The following STK4 variants were observed in gnomAD, a reference collection of about 807,000 sequenced individuals.
The protein encoded by STK4 is serine/threonine kinase 4.
In STK4, 30 loss-of-function variants were observed where a neutral mutation model predicts 64.9. That is an observed-to-expected ratio of 0.46 (90% CI 0.35 to 0.63). The LOEUF (loss-of-function observed/expected upper bound fraction) is 0.63. STK4 is among the 20% of genes least tolerant of loss of function. STK4 has a pLI of 0.01. For missense variants in STK4, 466 were observed against 598.5 expected (o/e 0.78, Z 2.31); for synonymous variants, 177 against 199.0 (o/e 0.89, Z 0.93).
At chr20:45,068,854 T>C (rs564528768) in intron 10 of STK4, among the ~76,000 whole-genome samples, 1 of 152,366 alleles carries the variant, frequency 6.6e-6, no homozygotes, top group African/African-American at 2.4e-5. Context: ...GTAATTAACA[T>C]ACTTCTTCCA....
chr20:44,995,301 T>C (rs781629079), intron 6 of STK4, 44 bp downstream of exon 6: 5 of 1,569,442 alleles, frequency 3.2e-6, no homozygotes, highest in Non-Finnish European at 4.3e-6. Context: ...TAGTTACTGA[T>C]CATCATTAAA....
At chr20:45,032,268 C>CT (rs11431523) in intron 10 of STK4, among the ~76,000 whole-genome samples, 38,266 of 151,782 alleles carry the variant, frequency 0.25, 5,554 homozygotes, top group Middle Eastern at 0.43. Context: ...CTATTTTATT[C>CT]TTTTTTTTAC....
At chr20:45,061,401 A>C (rs1166553772) in intron 10 of STK4, among the ~76,000 whole-genome samples, 2 of 152,190 alleles carry the variant, frequency 1.3e-5, no homozygotes, top group African/African-American at 4.8e-5. Flanking sequence ...ATTATGCGTC[A>C]TCCTGAGTAG....
At chr20:45,018,855 A>G (rs1271533560) in intron 9 of STK4, among the ~76,000 whole-genome samples, 2 of 151,614 alleles carry the variant, frequency 1.3e-5, no homozygotes, top group Non-Finnish European at 2.9e-5. Context: ...AGCCTCCTGA[A>G]TAGTTGGGAC....
intron 10 of STK4, among the ~76,000 whole-genome samples, chr20:45,056,186 T>C (rs932666616): frequency 6.6e-6 from 1 of 152,208 alleles, no homozygotes; most frequent in Non-Finnish European, 1.5e-5. Flanking sequence ...TCCTTTTAAG[T>C]GTACAGTTGG....
intron 10 of STK4, among the ~76,000 whole-genome samples, chr20:45,037,191 G>A (rs6031944): frequency 0.14 from 21,775 of 152,036 alleles, 1,760 homozygotes; most frequent in East Asian, 0.22. Context: ...ACCAATAAGT[G>A]TCATTGGAAG....
intron 9 of STK4, among the ~76,000 whole-genome samples, chr20:45,023,457 A>G (rs960635554): frequency 2.0e-5 from 3 of 152,146 alleles, no homozygotes; most frequent in African/African-American, 7.2e-5. Context: ...TCTTCTAGAT[A>G]CCTTCTCATC....
chr20:45,004,124 C>T (rs912158632), intron 9 of STK4, among the ~76,000 whole-genome samples: 6 of 151,780 alleles, frequency 4.0e-5, no homozygotes, highest in Admixed American at 6.6e-5. Context: ...GAGACGGAGT[C>T]TTGCTCTTTC....
chr20:45,010,596 G>A (rs980955156), intron 9 of STK4, among the ~76,000 whole-genome samples: 2 of 152,144 alleles, frequency 1.3e-5, no homozygotes, highest in African/African-American at 4.8e-5. Context: ...ACATACTTGT[G>A]ATTATATAAT....
chr20:45,071,420 G>A (rs892154373), intron 10 of STK4, among the ~76,000 whole-genome samples: 8 of 152,158 alleles, frequency 5.3e-5, no homozygotes, highest in South Asian at 2.1e-4. Context: ...CTTGTTTTTC[G>A]GAAAAATCCA....
chr20:45,048,099 G>T (rs989290419), intron 10 of STK4, among the ~76,000 whole-genome samples: 10 of 152,188 alleles, frequency 6.6e-5, no homozygotes, highest in Non-Finnish European at 1.0e-4. Flanking sequence ...TAAAAGCAGA[G>T]AAATGCTTAG....
intron 5 of STK4, among the ~76,000 whole-genome samples, chr20:44,988,781 G>T (rs1748048492): frequency 6.6e-6 from 1 of 151,622 alleles, no homozygotes; most frequent in East Asian, 1.9e-4. Flanking sequence ...GTACCCTTTA[G>T]CTGTTAGTCC....
chr20:45,005,036 G>C (rs2145705954), intron 9 of STK4, among the ~76,000 whole-genome samples: 1 of 151,990 alleles, frequency 6.6e-6, no homozygotes, highest in Admixed American at 6.5e-5. Context: ...CTCCCAAAGT[G>C]CTGGGATTAC....
At chr20:45,040,754 A>G (rs562596326) in intron 10 of STK4, among the ~76,000 whole-genome samples, 3 of 151,966 alleles carry the variant, frequency 2.0e-5, no homozygotes, top group South Asian at 2.1e-4. Flanking sequence ...TTTTCAATGT[A>G]TGAATCCAGG....
intron 9 of STK4, among the ~76,000 whole-genome samples, chr20:45,019,914 A>G (rs1202977767): frequency 6.6e-6 from 1 of 152,162 alleles, no homozygotes; most frequent in Non-Finnish European, 1.5e-5. Context: ...TTGATCATCT[A>G]TCTAGCTAAC....
intron 9 of STK4, among the ~76,000 whole-genome samples, chr20:45,013,565 T>A (rs2068090460): frequency 6.6e-6 from 1 of 152,208 alleles, no homozygotes; most frequent in African/African-American, 2.4e-5. Context: ...TAAAAACTGC[T>A]TATTTAAAAT....
chr20:44,994,924 A>G (rs528923569), intron 5 of STK4, among the ~76,000 whole-genome samples, 166 bp from the exon 6 acceptor site: 68 of 149,338 alleles, frequency 4.6e-4, no homozygotes, highest in Middle Eastern at 3.5e-3. Flanking sequence ...TGCTCAGAGT[A>G]TGGTTTTTAT....
chr20:44,970,513 G>A (rs1021783415), intron 1 of STK4: 7 of 152,076 alleles, frequency 4.6e-5, no homozygotes, highest in African/African-American at 1.7e-4. Context: ...AAAAACCCTG[G>A]CATATGAGAT....
chr20:45,068,297 T>G (rs1266710330), intron 10 of STK4, among the ~76,000 whole-genome samples: 1 of 152,110 alleles, frequency 6.6e-6, no homozygotes, highest in Non-Finnish European at 1.5e-5. Context: ...CCCTTTATAT[T>G]CATGTTGCCC....
Sources: allele counts gnomAD v4.1 joint callset (sites outside exome capture counted in the v4.1 genomes callset), GRCh38; gene constraint gnomAD v4.1.1; transcripts MANE v1.5; gene names NCBI Gene and HGNC (gene_info 2026-07-23, HGNC 2026-07-21).